Variants in HECW2 observed in about 807,000 individuals in gnomAD.
The protein encoded by HECW2 is HECT, C2 and WW domain containing E3 ubiquitin protein ligase 2, also known as E3 ubiquitin-protein ligase HECW2.
In HECW2, 61 loss-of-function variants were observed where a neutral mutation model predicts 175.2. The observed-to-expected ratio is 0.35, with a 90% CI of 0.28 to 0.43. HECW2 has a LOEUF of 0.43. HECW2 is among the 20% of genes least tolerant of loss of function. HECW2 has a pLI of 1.00. For synonymous variants in HECW2, 671 were observed against 731.0 expected (o/e 0.92, Z 1.32); for missense variants, 1,524 against 2,000.5 (o/e 0.76, Z 4.54).
intron 1 of HECW2, among the ~76,000 whole-genome samples, chr2:196,461,185 A>G (rs57791710): frequency 0.035 from 5,326 of 152,254 alleles, 314 homozygotes; most frequent in African/African-American, 0.12. Flanking sequence ...AGGGAGAAAG[A>G]AAGGCAGGCA....
intron 1 of HECW2, among the ~76,000 whole-genome samples, chr2:196,507,788 G>C (rs183926023): frequency 7.9e-5 from 12 of 152,314 alleles, no homozygotes; most frequent in Admixed American, 6.5e-4. Flanking sequence ...TTGGGAGAGA[G>C]AATGCTCTAC....
At position 196,481,362 on chromosome 2, in the gene HECW2, T is replaced by G. The variant is rs35504379; in HGVS notation, c.-35-47904A>C. 2.1e-3 allele frequency among the ~76,000 whole-genome samples: 326 copies of G among 152,366 alleles called. 3 individuals are homozygous for G. The highest frequency in any genetic ancestry group is 2.6e-3 in the Non-Finnish European group (176 of 68,032). ...CAAAAGAGATACAGTTATGCTTGTA[T>G]TGTTCTAGGCGAAAGTAAGCTTCAC... On this transcript the variant is annotated intron_variant, in intron 1 of 28. Transcript: ENST00000644978.
intron 1 of HECW2, among the ~76,000 whole-genome samples, chr2:196,448,091 G>C (rs1696238686): frequency 6.6e-6 from 1 of 152,130 alleles, no homozygotes; most frequent in African/African-American, 2.4e-5. Flanking sequence ...CACTTCATTT[G>C]TTATTTGTTC....
intron 23 of HECW2, among the ~76,000 whole-genome samples, chr2:196,222,991 C>A (rs999487572): frequency 2.0e-5 from 3 of 151,742 alleles, no homozygotes; most frequent in African/African-American, 7.3e-5. Flanking sequence ...GTTCCATGGC[C>A]CAGTTGTACA....
At chr2:196,516,264 ATAC>A (rs765445415) in intron 1 of HECW2, among the ~76,000 whole-genome samples, 7 of 152,210 alleles carry the variant, frequency 4.6e-5, no homozygotes, top group Non-Finnish European at 8.8e-5. Flanking sequence ...AAAACTTTAA[ATAC>A]TAATACAGAC....
chr2:196,470,018 T>A (rs1216869406), intron 1 of HECW2, among the ~76,000 whole-genome samples: 1 of 152,026 alleles, frequency 6.6e-6, no homozygotes, highest in Non-Finnish European at 1.5e-5. Flanking sequence ...TCCCATTCTA[T>A]CTATAAAAAT....
intron 14 of HECW2, among the ~76,000 whole-genome samples, chr2:196,280,970 G>A (rs954539713): frequency 3.3e-5 from 5 of 152,142 alleles, no homozygotes; most frequent in Non-Finnish European, 7.3e-5. Flanking sequence ...AAAATACAAA[G>A]AGCATAAATT....
chr2:196,379,890 T>C (rs1694160198), intron 2 of HECW2, among the ~76,000 whole-genome samples: 1 of 71,138 alleles, frequency 1.4e-5, no homozygotes, highest in South Asian at 6.6e-4. Context: ...ATGTATGCTA[T>C]TCTCCAGCAA....
chr2:196,413,593 C>T (rs1196719598), intron 2 of HECW2, among the ~76,000 whole-genome samples: 1 of 152,170 alleles, frequency 6.6e-6, no homozygotes, highest in African/African-American at 2.4e-5. Context: ...GATACACCCG[C>T]CTTGGCCTCC....
At chr2:196,272,654 T>A (rs897083663) in intron 16 of HECW2, among the ~76,000 whole-genome samples, 7 of 152,188 alleles carry the variant, frequency 4.6e-5, no homozygotes, top group Non-Finnish European at 1.0e-4. Flanking sequence ...GTTATGTATA[T>A]TTATATATAC....
intron 1 of HECW2, among the ~76,000 whole-genome samples, chr2:196,464,817 G>A (rs540061614): frequency 6.5e-4 from 99 of 152,216 alleles, no homozygotes; most frequent in Non-Finnish European, 1.0e-3. Flanking sequence ...CGAGGTGGGC[G>A]GATCACGAGG....
At chr2:196,441,188 T>C (rs189738753) in intron 1 of HECW2, among the ~76,000 whole-genome samples, 3 of 152,284 alleles carry the variant, frequency 2.0e-5, no homozygotes, top group Admixed American at 2.0e-4. Flanking sequence ...GAGGTGAATG[T>C]CAATTTACTA....
intron 1 of HECW2, among the ~76,000 whole-genome samples, chr2:196,437,121 A>G (rs4850397): frequency 0.95 from 143,812 of 152,112 alleles, 68,111 homozygotes; most frequent in East Asian, 1. Flanking sequence ...AAGAAGACAG[A>G]AAACACTTGG....
At chr2:196,317,418 T>A (rs1158972202) in intron 9 of HECW2, 49 bp from the exon 10 acceptor site, 1 of 1,297,612 alleles carries the variant, frequency 7.7e-7, no homozygotes, top group Non-Finnish European at 1.1e-6. Context: ...TCTTTCAGTA[T>A]CAAAACAGAC....
chr2:196,261,922 G>A (rs57463060), intron 17 of HECW2, among the ~76,000 whole-genome samples: 10,111 of 152,214 alleles, frequency 0.066, 911 homozygotes, highest in African/African-American at 0.2. Flanking sequence ...TCCACCCAGC[G>A]TTTGGAATAA....
chr2:196,548,495 A>G (rs917657853), intron 1 of HECW2, among the ~76,000 whole-genome samples: 2 of 152,142 alleles, frequency 1.3e-5, no homozygotes, highest in Admixed American at 1.3e-4. Flanking sequence ...GATAAACTAC[A>G]TCCTTGCTCC....
rs149646667 is a variant in HECW2 at position 196,448,930 on chromosome 2, A to C, written c.-35-15472T>G. On this transcript the variant is annotated intron_variant, in intron 1 of 28. Transcript: ENST00000644978. The stretch of plus-strand genomic sequence containing the variant: ...TCTCTCACTATCCATTTTTTGGGGG[A>C]AAAAATAATAAGTATTTGGATGTCT... Among the ~76,000 whole-genome samples, 428 of 152,240 alleles carry C rather than the reference A, an allele frequency of 2.8e-3. 1 individual carries two copies. The highest frequency in any genetic ancestry group is 9.7e-3 in the African/African-American group (404 of 41,528).
intron 1 of HECW2, among the ~76,000 whole-genome samples, chr2:196,571,585 T>C (rs907500800): frequency 8.5e-5 from 13 of 152,114 alleles, no homozygotes; most frequent in Admixed American, 2.6e-4. Context: ...GACAGTTACC[T>C]GTAATCCCAC....
At chr2:196,384,121 T>C (rs1182573771) in intron 2 of HECW2, among the ~76,000 whole-genome samples, 1 of 152,210 alleles carries the variant, frequency 6.6e-6, no homozygotes, top group African/African-American at 2.4e-5. Context: ...ACCTCCCTGA[T>C]TGAAGGTTGG....
Sources: gnomAD v4.1 joint callset for allele counts (sites outside exome capture counted in the v4.1 genomes callset) on GRCh38, gnomAD v4.1.1 for gene constraint, MANE v1.5 for transcripts, NCBI Gene and HGNC (gene_info 2026-07-23, HGNC 2026-07-21) for gene names.